Variants in SYCP2 observed in about 807,000 individuals in gnomAD.
SYCP2 encodes the protein synaptonemal complex lateral element protein.
SYCP2 carries 55 observed loss-of-function variants against 211.3 expected under a neutral mutation model. That is an observed-to-expected ratio of 0.26 (90% confidence interval 0.21 to 0.33). The LOEUF is 0.33. Among genes scored for constraint, SYCP2 ranks in the 10% least tolerant of loss-of-function variants. The probability of loss-of-function intolerance (pLI) is 1.00; values close to 1 mark genes in which losing one functional copy is unlikely to be tolerated. For synonymous variants in SYCP2, 570 were observed against 555.2 expected, an observed-to-expected ratio of 1.03 and a Z score of -0.37; for missense variants, 1,731 against 1,752.0, an observed-to-expected ratio of 0.99 and a Z score of 0.21.
At chr20:59,905,715 T>C (rs542899066) in intron 15 of SYCP2, among the ~76,000 whole-genome samples, 2 of 152,272 alleles carry the variant, frequency 1.3e-5, no homozygotes, top group East Asian at 3.9e-4. Context: ...GTTATCAACG[T>C]CCTTAATCTG....
At chr20:59,905,073 T>C (rs183314938) in intron 15 of SYCP2, among the ~76,000 whole-genome samples, 1 of 152,300 alleles carries the variant, frequency 6.6e-6, no homozygotes, top group African/African-American at 2.4e-5. Flanking sequence ...ATATAGCCAG[T>C]GCAACAAGGC....
At chr20:59,916,390 A>G in intron 8 of SYCP2, 96 bp downstream of exon 8, 1 of 699,682 alleles carries the variant, frequency 1.4e-6, no homozygotes, top group Admixed American at 2.5e-5. Flanking sequence ...AAGCTAAGTA[A>G]TTTTGTCCTA....
intron 37 of SYCP2, 114 bp downstream of exon 37, chr20:59,868,719 TTC>T: frequency 8.0e-7 from 1 of 1,253,998 alleles, no homozygotes; most frequent in South Asian, 1.6e-5. Flanking sequence ...CTAGTTTATT[TTC>T]TTTTTACATT....
Position 59,922,469 on chromosome 20 carries a change from A to G in SYCP2, c.-46-10T>C. The G allele has an allele frequency of 2.3e-6, 3 of 1,303,994 alleles. No individual in the cohort carries two copies. The highest frequency in any genetic ancestry group is 3.2e-6 in the Non-Finnish European group (3 of 936,644). The allele number at this position is 1,303,994 out of a possible 1,614,324, so 80.8% of individuals were successfully genotyped here. A position where few individuals can be genotyped will look rare whatever the true frequency, so the allele number is the denominator to read the frequency against. ...AAGACAAAATAAACACCTATAAAAGAAAACATATATTTTCTGTATCTCACA... is the reference window on the plus strand; with the variant it reads ...AAGACAAAATAAACACCTATAAAAGGAAACATATATTTTCTGTATCTCACA... On this transcript the variant is annotated splice_polypyrimidine_tract_variant and intron_variant, in intron 2 of 44. Transcript: ENST00000357552.
chr20:59,865,587 C>T lies in SYCP2; in HGVS notation c.4444G>A (p.Val1482Ile). Residue 1482 changes from valine (V) to isoleucine (I), a missense_variant, in exon 43 of 45, where the codon GTT becomes ATT. Transcript: ENST00000357552. Reference protein sequence around the residue: ...VFCNTDSEETVFTSEMCLMKE... With the variant: ...VFCNTDSEETIFTSEMCLMKE... Reference sequence around the variant, plus strand: ...AAAATTTATACCTCGGATGTAAAAACAGTTTCTTCACTATCAGTATTACAG... The same window carrying T: ...AAAATTTATACCTCGGATGTAAAAATAGTTTCTTCACTATCAGTATTACAG... The T allele has an allele frequency of 6.2e-7, 1 of 1,602,918 alleles. No individual in the cohort carries two copies. Among genetic ancestry groups the T allele is most frequent in the Non-Finnish European group, 8.5e-7 (1 of 1,175,632 alleles).
intron 31 of SYCP2, among the ~76,000 whole-genome samples, chr20:59,879,774 T>C (rs2059630549): frequency 1.4e-5 from 2 of 146,682 alleles, no homozygotes. Flanking sequence ...TAAAAAAGGA[T>C]GCGTGTTGGG....
intron 26 of SYCP2, 70 bp from the exon 27 acceptor site, chr20:59,882,235 A>G: frequency 8.9e-7 from 1 of 1,119,318 alleles, no homozygotes; most frequent in Non-Finnish European, 1.3e-6. Context: ...AACAGCACTA[A>G]TCAGAAATGC....
At chr20:59,922,269 G>A in intron 3 of SYCP2, 121 bp downstream of exon 3, 1 of 849,434 alleles carries the variant, frequency 1.2e-6, no homozygotes, top group East Asian at 2.9e-5. Flanking sequence ...AACTATTCTT[G>A]ACCATTTCAT....
chr20:59,915,025 T>C (rs2060410195), intron 10 of SYCP2, 140 bp downstream of exon 10: 2 of 584,754 alleles, frequency 3.4e-6, no homozygotes, highest in Non-Finnish European at 6.0e-6. Context: ...TTCATGTATA[T>C]TTATTAAAAA....
rs142721804 is a variant in SYCP2, at chr20:59,931,378, G to C, written c.-47+684C>G. Among the ~76,000 whole-genome samples, 70 of 152,344 alleles carry C rather than the reference G, an allele frequency of 4.6e-4. 1 individual carries two copies. The highest frequency in any genetic ancestry group is 3.4e-3 in the Middle Eastern group (1 of 294). On this transcript the variant is annotated intron_variant, in intron 2 of 44. Coordinates refer to ENST00000357552, the MANE Select transcript of SYCP2 (RefSeq NM_014258.4). ...CTACTGCACTCCCACCTCGGCGGCA[G>C]AGCAAGACCCTGTCTCAATAATAAT...
intron 31 of SYCP2, among the ~76,000 whole-genome samples, 198 bp downstream of exon 31, chr20:59,880,105 C>T (rs1047714636): frequency 1.3e-5 from 2 of 150,744 alleles, no homozygotes; most frequent in African/African-American, 4.9e-5. Flanking sequence ...TAATTTGTGT[C>T]CCTAAGGTCC....
intron 44 of SYCP2, 103 bp from the exon 45 acceptor site, chr20:59,864,491 T>C (rs2059291575): frequency 5.4e-6 from 4 of 747,048 alleles, no homozygotes; most frequent in Non-Finnish European, 8.8e-6. Flanking sequence ...TAGTGATTCA[T>C]TTTAAAACAA....
chr20:59,879,699 A>C (rs567013829), intron 31 of SYCP2, among the ~76,000 whole-genome samples: 19 of 139,068 alleles, frequency 1.4e-4, no homozygotes, highest in South Asian at 6.6e-4. Flanking sequence ...ACTTAGACCC[A>C]AAAAAAAAAA....
chr20:59,892,688 A>C lies in SYCP2; in HGVS notation c.1807T>G (p.Leu603Val), dbSNP rs768069001. 2 of 1,603,786 alleles carry C rather than the reference A, an allele frequency of 1.2e-6. No individual in the cohort carries two copies. The highest frequency in any genetic ancestry group is 1.7e-6 in the Non-Finnish European group (2 of 1,175,722). The change falls in exon 23 of 45, where the codon TTA becomes GTA. Residue 603 changes from leucine (L) to valine (V), a missense_variant. Physicochemically the swap from Leu to Val is conservative, Grantham distance 32. Around this residue, in one of 3 missense-constraint regions of SYCP2, gnomAD observed 1,387 missense variants for 1,351.3 expected, o/e 1.03. Transcript: ENST00000357552. ...KRDHTILPGV[L>V]DNICGNKIHS... ...ATTTTATTTCCACAGATGTTGTCTAAAACACCAGGTAATCTAGAAAATAAA... is the reference window on the plus strand; with the variant it reads ...ATTTTATTTCCACAGATGTTGTCTACAACACCAGGTAATCTAGAAAATAAA...
rs1304980415 is a variant in SYCP2, at chr20:59,875,465, T to A, written c.3155A>T (p.Glu1052Val). 6.2e-7 allele frequency: 1 copy of A among 1,609,016 alleles called. No homozygotes were observed. Among genetic ancestry groups the A allele is most frequent in the Non-Finnish European group, 8.5e-7 (1 of 1,177,480 alleles). The change falls in exon 34 of 45, where the codon GAG becomes GTG. Residue 1052 changes from glutamate to valine, a missense_variant. Physicochemically the swap from Glu to Val is moderately radical, Grantham distance 121. This residue lies in a region of SYCP2 where 1,387 missense variants were observed against 1,351.3 expected (regional missense o/e 1.03). Transcript: ENST00000357552. Reference protein sequence around the residue: ...SFKENIPVKEENIHSRMKTVK... With the variant: ...SFKENIPVKEVNIHSRMKTVK... ...CGTTTTCATTCTGGAATGGATATTC[T>A]CCTCCTAAATGTATCAATAACTTTC...
chr20:59,865,882 A>C lies in SYCP2; in HGVS notation c.4321-17T>G. On this transcript the variant is annotated splice_polypyrimidine_tract_variant and intron_variant, in intron 41 of 44. Coordinates refer to ENST00000357552, the MANE Select transcript of SYCP2 (RefSeq NM_014258.4). ...CCAAAAGTCCTAAATTAATTAATAA[A>C]ATTTTATTTAGTCCTAAATATTTTA... The C allele has an allele frequency of 8.7e-7, 1 of 1,149,248 alleles. No individual in the cohort carries two copies. Among genetic ancestry groups the C allele is most frequent in the Non-Finnish European group, 1.2e-6 (1 of 834,128 alleles). 71.2% of individuals were successfully genotyped at this position (1,149,248 alleles called of 1,614,324 possible).
intron 2 of SYCP2, among the ~76,000 whole-genome samples, chr20:59,926,125 G>A (rs576470589): frequency 9.2e-5 from 14 of 152,152 alleles, no homozygotes; most frequent in African/African-American, 3.1e-4. Context: ...CTGTAAGACA[G>A]GTTTCATAAA....
chr20:59,926,086 C>T (rs555144697), intron 2 of SYCP2, among the ~76,000 whole-genome samples: 4 of 152,108 alleles, frequency 2.6e-5, no homozygotes, highest in East Asian at 3.9e-4. Flanking sequence ...CCAGCCAAAA[C>T]AAATATGGAT....
chr20:59,865,308 A>G, intron 44 of SYCP2, 80 bp downstream of exon 44: 1 of 1,135,002 alleles, frequency 8.8e-7, no homozygotes, highest in Non-Finnish European at 1.3e-6. Context: ...AAAGAAAGAC[A>G]TAAAAGCACA....
Sources: allele counts gnomAD v4.1 joint callset (sites outside exome capture counted in the v4.1 genomes callset), GRCh38; gene constraint gnomAD v4.1.1; regional missense constraint gnomAD v4.1.1; transcripts MANE v1.5; gene names NCBI Gene and HGNC (gene_info 2026-07-23, HGNC 2026-07-21).